MAEA: variants seen among roughly 807,000 people sequenced by gnomAD.
The protein encoded by MAEA is E3 ubiquitin-protein transferase MAEA.
In MAEA, 22 loss-of-function variants were observed where a neutral mutation model predicts 46.2. The ratio of observed to expected loss-of-function variants is 0.48; its 90% CI spans 0.34 to 0.68. The LOEUF (loss-of-function observed/expected upper bound fraction) is 0.68, where lower values mean the gene tolerates loss of function less well. Ranked by LOEUF, MAEA falls within the 30% of genes least tolerant of loss-of-function variation. The probability of loss-of-function intolerance (pLI) is 0.01; values close to 1 mark genes in which losing one functional copy is unlikely to be tolerated. For missense variants in MAEA, 393 were observed against 558.1 expected (o/e 0.70, Z 2.98); for synonymous variants, 246 against 222.6 (o/e 1.11, Z -0.94).
chr4:1,330,362 T>G, intron 5 of MAEA: 1 of 145,560 alleles, frequency 6.9e-6, no homozygotes, highest in Non-Finnish European at 1.5e-5. Flanking sequence ...AGGTTGAGTT[T>G]TGCTCTGTTG....
intron 3 of MAEA, among the ~76,000 whole-genome samples, chr4:1,320,451 T>G (rs1378950028): frequency 7.1e-6 from 1 of 140,600 alleles, no homozygotes. Context: ...AAAGCAAATA[T>G]GCAAGAAAAC....
intron 1 of MAEA, chr4:1,309,308 G>A: frequency 7.6e-6 from 4 of 525,988 alleles, no homozygotes; most frequent in Middle Eastern, 6.5e-4. Context: ...CACTCACTCG[G>A]TCACCAAATG....
At chr4:1,300,864 G>T (rs1437263939) in intron 1 of MAEA, among the ~76,000 whole-genome samples, 1 of 152,216 alleles carries the variant, frequency 6.6e-6, no homozygotes, top group African/African-American at 2.4e-5. Flanking sequence ...CCTCTTAGGG[G>T]ATTCGAAGCG....
intron 1 of MAEA, chr4:1,309,490 G>C (rs1736198037): frequency 1.5e-6 from 2 of 1,332,226 alleles, no homozygotes; most frequent in East Asian, 5.6e-5. Flanking sequence ...GCTGCTGTCT[G>C]GGTCAGCAGC....
intron 1 of MAEA, among the ~76,000 whole-genome samples, chr4:1,310,466 T>A (rs982198522): frequency 5.3e-5 from 8 of 152,236 alleles, no homozygotes; most frequent in African/African-American, 1.9e-4. Flanking sequence ...TGGTTCCAGA[T>A]GCCACACACG....
At chr4:1,299,482 C>G (rs1019598050) in intron 1 of MAEA, 1 of 152,946 alleles carries the variant, frequency 6.5e-6, no homozygotes, top group Non-Finnish European at 1.5e-5. Flanking sequence ...TCTGCTCATG[C>G]CCACCCCGGC....
At chr4:1,332,273 G>A (rs1196120090) in intron 5 of MAEA, 1 of 155,108 alleles carries the variant, frequency 6.4e-6, no homozygotes, top group Non-Finnish European at 1.4e-5. Context: ...TGGTCCCCTG[G>A]AGGAAGGAGT....
At chr4:1,293,606 C>T (rs1158411014) in intron 1 of MAEA, among the ~76,000 whole-genome samples, 1 of 152,224 alleles carries the variant, frequency 6.6e-6, no homozygotes, top group Non-Finnish European at 1.5e-5. Flanking sequence ...CCTGGCTCCT[C>T]TCTGTGAACC....
chr4:1,316,666 A>T (rs1233247415), intron 3 of MAEA, among the ~76,000 whole-genome samples: 2 of 152,054 alleles, frequency 1.3e-5, no homozygotes, highest in Non-Finnish European at 1.5e-5. Flanking sequence ...TCCACGGCTT[A>T]AATCCCACCC....
intron 3 of MAEA, among the ~76,000 whole-genome samples, chr4:1,321,571 C>T (rs770227036): frequency 2.0e-5 from 3 of 152,210 alleles, no homozygotes; most frequent in African/African-American, 4.8e-5. Context: ...GTGGTCCAGA[C>T]GTGGGGCTGT....
intron 7 of MAEA, 151 bp from the exon 8 acceptor site, chr4:1,338,271 C>A: frequency 1.7e-6 from 1 of 598,808 alleles, no homozygotes; most frequent in Non-Finnish European, 2.9e-6. Context: ...GAGTGCAGCA[C>A]TTCCTGTGCC....
intron 6 of MAEA, chr4:1,335,313 G>T: frequency 1.0e-6 from 1 of 985,478 alleles, no homozygotes; most frequent in South Asian, 4.7e-5. Context: ...TCTATTTTTT[G>T]TCACAGTGCA....
intron 3 of MAEA, among the ~76,000 whole-genome samples, chr4:1,317,241 G>A (rs1296886660): frequency 1.3e-5 from 1 of 78,100 alleles, no homozygotes; most frequent in Admixed American, 1.5e-4. Context: ...CCACACTCCA[G>A]ACTCACCCGC....
At chr4:1,326,963 C>T (rs1435598004) in intron 4 of MAEA, among the ~76,000 whole-genome samples, 1 of 151,930 alleles carries the variant, frequency 6.6e-6, no homozygotes, top group Non-Finnish European at 1.5e-5. Context: ...AGGCACCAGC[C>T]AGCAACCCCA....
chr4:1,291,123 G>C (rs1433746782), intron 1 of MAEA, among the ~76,000 whole-genome samples: 1 of 152,202 alleles, frequency 6.6e-6, no homozygotes, highest in Non-Finnish European at 1.5e-5. Flanking sequence ...TCATAGGAAA[G>C]CAGAAGCAAG....
Position 1,316,872 on chromosome 4 carries a change from C to A in MAEA, c.456+1272C>A, listed in dbSNP as rs911822227. On this transcript the variant is annotated intron_variant, in intron 3 of 8. Transcript: ENST00000303400. The stretch of plus-strand genomic sequence containing the variant: ...GCTGGCTTGCAGCCTCCCCCACACT[C>A]CTGTCACGCTCCTGCCCAGCTCCCC... Among the ~76,000 whole-genome samples, 3 of 152,078 alleles carry A rather than the reference C, an allele frequency of 2.0e-5. No individual in the cohort carries two copies. In the East Asian group the frequency reaches 5.8e-4, roughly 29 times the overall value.
At chr4:1,304,352 T>C (rs1377935230) in intron 1 of MAEA, among the ~76,000 whole-genome samples, 1 of 152,184 alleles carries the variant, frequency 6.6e-6, no homozygotes, top group Non-Finnish European at 1.5e-5. Context: ...CAGGCTGGTC[T>C]CCAACTCCTG....
rs1224679827 is a variant in MAEA at position 1,339,156 on chromosome 4, T to C, written c.1178T>C (p.Val393Ala). The C allele has an allele frequency of 6.2e-7, 1 of 1,613,624 alleles. No individual in the cohort carries two copies. The highest frequency in any genetic ancestry group is 1.6e-4 in the Middle Eastern group (1 of 6,062). ...EVFHFSQAEK[V>A]YIM ...TTCCACTTCTCACAAGCCGAGAAGGTGTACATCATGTAGGCCCCACGTCGT... is the reference window on the plus strand; with the variant it reads ...TTCCACTTCTCACAAGCCGAGAAGGCGTACATCATGTAGGCCCCACGTCGT... The change falls in exon 9 of 9, where the codon GTG (valine) becomes GCG (alanine). Residue 393 changes from valine to alanine, a missense_variant. Physicochemically the swap from Val to Ala is moderately conservative, Grantham distance 64. Around this residue, in one of 2 missense-constraint regions of MAEA, gnomAD observed 358 missense variants for 537.9 expected, o/e 0.67. Coordinates refer to ENST00000303400, the MANE Select transcript of MAEA (RefSeq NM_001017405.3).
At chr4:1,335,628 A>G (rs1712651480) in intron 6 of MAEA, 2 of 929,042 alleles carry the variant, frequency 2.2e-6, no homozygotes, top group Admixed American at 7.6e-5. Context: ...GAGTTAAGTC[A>G]GCTCTGGCCC....
Sources: gnomAD v4.1 joint callset for allele counts (sites outside exome capture counted in the v4.1 genomes callset) on GRCh38, gnomAD v4.1.1 for gene constraint, gnomAD v4.1.1 regional missense constraint, MANE v1.5 for transcripts, NCBI Gene and HGNC (gene_info 2026-07-23, HGNC 2026-07-21) for gene names.